Variants in MGAM2 observed in about 807,000 individuals in gnomAD.
MGAM2 encodes probable maltase-glucoamylase 2.
A neutral mutation model predicts 96.1 loss-of-function variants in MGAM2; 98 were observed. That is an observed-to-expected ratio of 1.02 (90% CI 0.87 to 1.21). The LOEUF (loss-of-function observed/expected upper bound fraction) is 1.21. Among genes scored for constraint, MGAM2 ranks in the 50% most tolerant of loss-of-function variants. The probability of loss-of-function intolerance (pLI) is 0.00; values close to 1 mark genes in which losing one functional copy is unlikely to be tolerated. For missense variants in MGAM2, 2,055 were observed against 1,182.4 expected, an observed-to-expected ratio of 1.74 and a Z score of -10.82; for synonymous variants, 749 against 414.8, an observed-to-expected ratio of 1.81 and a Z score of -9.79.
At chr7:142,211,675 A>G (rs1563298042) in intron 46 of MGAM2, among the ~76,000 whole-genome samples, 1 of 152,240 alleles carries the variant, frequency 6.6e-6, no homozygotes, top group Non-Finnish European at 1.5e-5. Flanking sequence ...AAAGCCTCCA[A>G]GAAATATGGG....
rs181993300 is a variant in MGAM2 at position 142,169,749 on chromosome 7, T to A, written c.3028-326T>A. On this transcript the variant is annotated intron_variant, in intron 26 of 47. Coordinates refer to ENST00000477922, the MANE Select transcript of MGAM2 (RefSeq NM_001293626.2). ...ACACACACAAATTTACACATTTCTA[T>A]GCACATACATGTCTGCATGCCACAC... Among the ~76,000 whole-genome samples the A allele has an allele frequency of 1.5e-3, 231 of 152,276 alleles. 1 individual carries two copies. Among genetic ancestry groups the A allele is most frequent in the African/African-American group, 5.4e-3 (226 of 41,566 alleles).
At chr7:142,145,038 C>G in intron 14 of MGAM2, 93 bp downstream of exon 14, 1 of 654,220 alleles carries the variant, frequency 1.5e-6, no homozygotes, top group Non-Finnish European at 2.8e-6. Flanking sequence ...ATTTCACTTC[C>G]TAGTCCAAGG....
At chr7:142,181,426 G>A (rs1796537972) in intron 32 of MGAM2, among the ~76,000 whole-genome samples, 2 of 152,122 alleles carry the variant, frequency 1.3e-5, no homozygotes, top group African/African-American at 2.4e-5. Flanking sequence ...AAGAGTAAGG[G>A]CCAGAAGATA....
rs1274959209 is a variant in MGAM2, at chr7:142,140,793, C to G, written c.1087-9C>G. On this transcript the variant is annotated splice_polypyrimidine_tract_variant and intron_variant, in intron 10 of 47. Coordinates refer to ENST00000477922, the MANE Select transcript of MGAM2 (RefSeq NM_001293626.2). ...TCCTAGGTTCTGATTGACCAGAGCT[C>G]TCTTTCAGGATGTCCAGTACTCTGA... The G allele has an allele frequency of 1.4e-6, 1 of 701,126 alleles. No individual in the cohort carries two copies. The allele number at this position is 701,126 out of a possible 1,614,324, so 43.4% of individuals were successfully genotyped here. A position where few individuals can be genotyped will look rare whatever the true frequency, so the allele number is the denominator to read the frequency against.
chr7:142,166,621 A>G (rs565323667), intron 25 of MGAM2, among the ~76,000 whole-genome samples: 1 of 152,292 alleles, frequency 6.6e-6, no homozygotes, highest in South Asian at 2.1e-4. Flanking sequence ...GAAACTAGGA[A>G]GCCAAGTGAT....
rs568263380 is a variant in MGAM2 at position 142,154,521 on chromosome 7, A to G, written c.1807-208A>G. On this transcript the variant is annotated intron_variant, in intron 16 of 47. Transcript: ENST00000477922. ...AATATTAAGGAACAGCCTCAACACA[A>G]GGACCATTGTTTGCACTATCAGTAA... Among the ~76,000 whole-genome samples the G allele has an allele frequency of 1.3e-3, 196 of 152,306 alleles. 1 individual carries two copies. In the Middle Eastern group the frequency reaches 0.017, roughly 13 times the overall value.
intron 45 of MGAM2, 97 bp downstream of exon 45, chr7:142,200,065 G>A (rs907602738): frequency 4.1e-5 from 21 of 508,958 alleles, no homozygotes; most frequent in Non-Finnish European, 6.6e-5. Flanking sequence ...ACCTCTCTCT[G>A]CCTATTGTCA....
In MGAM2 at chr7:142,137,543, G is replaced by C. The variant is rs1563254363; in HGVS notation, c.958G>C (p.Glu320Gln). ...AGAACAAGTGGTTCAGGAATACTTGGAGGTATGTCTTTGCATTTAGATAGT... is the reference window on the plus strand; with the variant it reads ...AGAACAAGTGGTTCAGGAATACTTGCAGGTATGTCTTTGCATTTAGATAGT... ...TPEQVVQEYL[E>Q]LVGRPFFPPY... Residue 320 changes from glutamate to glutamine, a missense_variant and splice_region_variant, in exon 9 of 48, where the codon GAG becomes CAG. Physicochemically the swap from Glu to Gln is conservative, Grantham distance 29. Coordinates refer to ENST00000477922, the MANE Select transcript of MGAM2 (RefSeq NM_001293626.2). 1 of 695,776 alleles carries C rather than the reference G, an allele frequency of 1.4e-6. No homozygotes were observed. The highest frequency in any genetic ancestry group is 2.6e-6 in the Non-Finnish European group (1 of 381,650). The allele number at this position is 695,776 out of a possible 1,614,324, so 43.1% of individuals were successfully genotyped here.
chr7:142,194,791 GT>G (rs1796981135), intron 37 of MGAM2, among the ~76,000 whole-genome samples: 1 of 150,784 alleles, frequency 6.6e-6, no homozygotes, highest in African/African-American at 2.4e-5. Flanking sequence ...AAATGGATTA[GT>G]TTACACAACA....
intron 45 of MGAM2, among the ~76,000 whole-genome samples, chr7:142,202,356 A>C (rs1478838621): frequency 2.6e-5 from 4 of 152,190 alleles, no homozygotes; most frequent in Non-Finnish European, 5.9e-5. Flanking sequence ...GTACATGTGC[A>C]GGTTTGTTGC....
intron 3 of MGAM2, among the ~76,000 whole-genome samples, chr7:142,121,708 T>C (rs1343420885): frequency 1.3e-5 from 2 of 150,904 alleles, no homozygotes; most frequent in Admixed American, 1.3e-4. Flanking sequence ...ACAGTATATT[T>C]ATATTCTATT....
rs1296054902 is a variant in MGAM2 at position 142,154,044 on chromosome 7, A to G, written c.1661A>G (p.Asn554Ser). 1.5e-6 allele frequency: 1 copy of G among 685,052 alleles called. No individual in the cohort carries two copies. The highest frequency in any genetic ancestry group is 2.7e-6 in the Non-Finnish European group (1 of 372,082). 42.4% of individuals were successfully genotyped at this position (685,052 alleles called of 1,614,324 possible). ...NLALETIFMN[N>S]RSFILSRSTF... ...GCCCTGGAGACCATCTTCATGAATA[A>G]TAGGAGCTTCATCTTATCCCGTTCT... The change falls in exon 16 of 48, where the codon AAT becomes AGT. Residue 554 changes from asparagine (N) to serine (S), a missense_variant. Transcript: ENST00000477922.
intron 3 of MGAM2, among the ~76,000 whole-genome samples, chr7:142,125,408 T>C (rs1319965689): frequency 1.3e-5 from 2 of 152,126 alleles, no homozygotes; most frequent in Non-Finnish European, 2.9e-5. Flanking sequence ...TTTATAGAGG[T>C]CTGTGGACTT....
intron 45 of MGAM2, among the ~76,000 whole-genome samples, chr7:142,206,732 GT>G (rs1797413531): frequency 6.6e-6 from 1 of 152,128 alleles, no homozygotes; most frequent in Non-Finnish European, 1.5e-5. Context: ...TATGGAGAAG[GT>G]TTTTAGCCTT....
At chr7:142,197,781 T>C (rs1427048565) in intron 42 of MGAM2, 53 bp downstream of exon 42, 4 of 701,698 alleles carry the variant, frequency 5.7e-6, no homozygotes, top group African/African-American at 1.7e-5. Context: ...TCTAAAATCA[T>C]GGGAAAAGCA....
chr7:142,119,598 C>T (rs535910729), intron 2 of MGAM2, among the ~76,000 whole-genome samples: 3 of 152,052 alleles, frequency 2.0e-5, no homozygotes, highest in Non-Finnish European at 2.9e-5. Flanking sequence ...GAAACTTACG[C>T]GAATGCTCAT....
rs1343938288 is a variant in MGAM2, at chr7:142,221,425, C to T, written c.6914C>T (p.Thr2305Ile). ...TSPTIPTHTL[T>I]SIPSSITSIL... ...CCTACCATTCCTACCCATACTCTTA[C>T]TTCTATTCCTAGCTCTATTACTTCT... The change falls in exon 48 of 48, where the codon ACT becomes ATT. Residue 2305 changes from threonine to isoleucine, a missense_variant. Transcript: ENST00000477922. 1.7e-6 allele frequency: 1 copy of T among 592,694 alleles called. No individual in the cohort carries two copies. The highest frequency in any genetic ancestry group is 3.0e-5 in the Admixed American group (1 of 33,054). 36.7% of individuals were successfully genotyped at this position (592,694 alleles called of 1,614,324 possible). A position where few individuals can be genotyped will look rare whatever the true frequency, so the allele number is the denominator to read the frequency against.
rs769831555 is a variant in MGAM2 at position 142,131,092 on chromosome 7, GC to G, written c.310+22del. The G allele has an allele frequency of 3.9e-5, 27 of 700,362 alleles. No individual in the cohort carries two copies. In the South Asian group the frequency reaches 4.0e-4, roughly 10 times the overall value. The allele number at this position is 700,362 out of a possible 1,614,324, so 43.4% of individuals were successfully genotyped here. A position where few individuals can be genotyped will look rare whatever the true frequency, so the allele number is the denominator to read the frequency against. The stretch of plus-strand genomic sequence containing the variant: ...CACAGGTGAGCACTGCCCTGATGTT[GC>G]GCCTGGGAACAACTCCTTATGGCCC... On this transcript the variant is annotated intron_variant, in intron 4 of 47. Coordinates refer to ENST00000477922, the MANE Select transcript of MGAM2 (RefSeq NM_001293626.2).
chr7:142,137,536 A>C lies in MGAM2; in HGVS notation c.951A>C (p.Glu317Asp). The C allele has an allele frequency of 1.4e-6, 1 of 698,998 alleles. No homozygotes were observed. The highest frequency in any genetic ancestry group is 1.5e-5 in the South Asian group (1 of 67,114). 43.3% of individuals were successfully genotyped at this position (698,998 alleles called of 1,614,324 possible). The change falls in exon 9 of 48, where the codon GAA (glutamate) becomes GAC (aspartate). Residue 317 changes from glutamate (E) to aspartate (D), a missense_variant. Transcript: ENST00000477922. ...LGNTPEQVVQ[E>D]YLELVGRPFF... ...ACACTCCAGAACAAGTGGTTCAGGA[A>C]TACTTGGAGGTATGTCTTTGCATTT...
Sources: gnomAD v4.1 joint callset for allele counts (sites outside exome capture counted in the v4.1 genomes callset) on GRCh38, gnomAD v4.1.1 for gene constraint, MANE v1.5 for transcripts, NCBI Gene and HGNC (gene_info 2026-07-23, HGNC 2026-07-21) for gene names.